Variants in NCOR2 observed in about 807,000 individuals in gnomAD.
NCOR2 encodes the protein nuclear receptor corepressor 2.
Under a neutral mutation model 262.9 loss-of-function variants are expected in NCOR2, and 81 were observed. That is an observed-to-expected ratio of 0.31 (90% CI 0.26 to 0.37). The LOEUF (loss-of-function observed/expected upper bound fraction) is 0.37. Among genes scored for constraint, NCOR2 ranks in the 10% least tolerant of loss-of-function variants. The pLI is 1.00. For synonymous variants in NCOR2, 1,659 were observed against 1,559.3 expected, an observed-to-expected ratio of 1.06 and a Z score of -1.51; for missense variants, 3,385 against 3,621.4, an observed-to-expected ratio of 0.93 and a Z score of 1.68.
Position 124,454,373 on chromosome 12 carries a change from T to C in NCOR2, c.762+2733A>G, listed in dbSNP as rs559797229. Among the ~76,000 whole-genome samples, 1 of 152,180 alleles carries C rather than the reference T, an allele frequency of 6.6e-6. No homozygotes were observed. Among genetic ancestry groups the C allele is most frequent in the South Asian group, 2.1e-4 (1 of 4,810 alleles). On this transcript the variant is annotated intron_variant, in intron 6 of 46. Coordinates refer to ENST00000405201, the Ensembl canonical transcript of NCOR2. This position sits in a 1 kb window ranked among gnomAD's most constrained non-coding sequence, Gnocchi z 5.6. ...CCTTGTGGAAGCCTCTGCTCTGAGA[T>C]CCCCAAGTGGAAGACAACCCCGTCC...
intron 28 of NCOR2, among the ~76,000 whole-genome samples, chr12:124,349,214 A>C (rs2037215614): frequency 6.6e-6 from 1 of 152,152 alleles, no homozygotes. Flanking sequence ...GAACAGACGG[A>C]GGTGGCCCCC....
intron 40 of NCOR2, 47 bp downstream of exon 42, chr12:124,335,088 C>T (rs1278107380): frequency 6.2e-7 from 1 of 1,611,430 alleles, no homozygotes; most frequent in Non-Finnish European, 8.5e-7. Flanking sequence ...AGGCCTGGTG[C>T]CCCCAGGTGC....
chr12:124,372,846 G>A (rs1049096712), intron 19 of NCOR2, among the ~76,000 whole-genome samples: 12 of 152,138 alleles, frequency 7.9e-5, no homozygotes, highest in African/African-American at 2.9e-4. Context: ...GACTGACCCT[G>A]CTGGCATAAC....
At chr12:124,496,324 C>G (rs925010876), upstream of NCOR2, among the ~76,000 whole-genome samples, 3 of 151,934 alleles carry the variant, frequency 2.0e-5, no homozygotes, top group Non-Finnish European at 2.9e-5. This position sits in a 1 kb window ranked among gnomAD's most constrained non-coding sequence, Gnocchi z 4.4. Flanking sequence ...CAGACCAAGG[C>G]CCCCTCCACA....
At chr12:124,450,177 C>T (rs563484853) in intron 6 of NCOR2, among the ~76,000 whole-genome samples, 102 of 152,366 alleles carry the variant, frequency 6.7e-4, no homozygotes, top group Middle Eastern at 3.4e-3. Flanking sequence ...CGGACAAACC[C>T]ACACACACCC....
chr12:124,388,800 G>T, intron 16 of NCOR2: 1 of 1,300,374 alleles, frequency 7.7e-7, no homozygotes, highest in Non-Finnish European at 1.0e-6. Flanking sequence ...GGTCGGCTCT[G>T]CGAGGCTGCT....
chr12:124,359,428 AT>A (rs2038324670), intron 22 of NCOR2, among the ~76,000 whole-genome samples: 1 of 152,198 alleles, frequency 6.6e-6, no homozygotes, highest in Non-Finnish European at 1.5e-5. Context: ...TATGTACCAA[AT>A]TGCCCCCAAT....
At chr12:124,527,973 C>T (rs1455898017) in intron 1 of NCOR2, among the ~76,000 whole-genome samples, 4 of 152,224 alleles carry the variant, frequency 2.6e-5, no homozygotes, top group Non-Finnish European at 4.4e-5. Flanking sequence ...CTGTGCGGGG[C>T]ACCATGTTTG....
rs750440118 is a variant in NCOR2, at chr12:124,347,941, C to T, written c.3986-30G>A. 11 of 1,550,120 alleles carry T rather than the reference C, an allele frequency of 7.1e-6. No homozygotes were observed. The African/African-American group carries it at 9.6e-5, about 14-fold the overall frequency. On this transcript the variant is annotated intron_variant, in intron 29 of 46. Transcript: ENST00000405201. Reference sequence around the variant, plus strand: ...GTAGGAGAGGGTGAGGCCATCATTCCGTGGCTCCCTGAGCCGACACTGGGC... The same window carrying T: ...GTAGGAGAGGGTGAGGCCATCATTCTGTGGCTCCCTGAGCCGACACTGGGC...
intron 28 of NCOR2, among the ~76,000 whole-genome samples, chr12:124,349,581 C>T (rs1391968184): frequency 6.6e-6 from 1 of 152,178 alleles, no homozygotes; most frequent in African/African-American, 2.4e-5. Flanking sequence ...CCATTCCCTA[C>T]AGTCCTCCCC....
At chr12:124,516,809 C>A (rs2049827522) in intron 1 of NCOR2, among the ~76,000 whole-genome samples, 2 of 152,146 alleles carry the variant, frequency 1.3e-5, no homozygotes, top group Non-Finnish European at 2.9e-5. Context: ...CACCCTCAGA[C>A]CAGGTGCCGG....
intron 5 of NCOR2, among the ~76,000 whole-genome samples, chr12:124,464,738 G>A (rs999184570): frequency 1.3e-5 from 2 of 152,142 alleles, no homozygotes; most frequent in Non-Finnish European, 2.9e-5. Context: ...AGGTGATGCC[G>A]TCGTTGTCAT....
Position 124,479,511 on chromosome 12 carries a change from G to A in NCOR2, c.411+4085C>T, listed in dbSNP as rs538909358. On this transcript the variant is annotated intron_variant, in intron 3 of 46. Coordinates refer to ENST00000405201, the Ensembl canonical transcript of NCOR2. ...CACAGGCACATGCGCGCATACACAC[G>A]CACATGCGCGCACACGCACACACAC... Among the ~76,000 whole-genome samples, 16 of 148,758 alleles carry A rather than the reference G, an allele frequency of 1.1e-4. No homozygotes were observed. In the South Asian group the frequency reaches 3.2e-3, roughly 30 times the overall value.
chr12:124,493,317 C>T (rs2048197155), intron 1 of NCOR2, among the ~76,000 whole-genome samples: 1 of 152,228 alleles, frequency 6.6e-6, no homozygotes. Context: ...GCAGCACCCC[C>T]AGGGCAGGCA....
At chr12:124,357,520 C>G (rs762180600) in intron 22 of NCOR2, among the ~76,000 whole-genome samples, 1 of 152,242 alleles carries the variant, frequency 6.6e-6, no homozygotes, top group Non-Finnish European at 1.5e-5. Context: ...TGGTCTTGAA[C>G]TACTGGGCTC....
chr12:124,549,128 T>C lies in NCOR2; in HGVS notation c.-164-13517A>G, dbSNP rs955306928. 2.0e-5 allele frequency among the ~76,000 whole-genome samples: 3 copies of C among 152,136 alleles called. No individual in the cohort carries two copies. The highest frequency in any genetic ancestry group is 4.4e-5 in the Non-Finnish European group (3 of 68,004). ...GGGTGGTTGGGATGCAGTGTGGCGC[T>C]GAGCCAGGGAGCTAACCTCTCTGAG... is the stretch of plus-strand genomic sequence containing the variant. On this transcript the variant is annotated intron_variant, in intron 1 of 32. Transcript: ENST00000458234. This position sits in a 1 kb window ranked among gnomAD's most constrained non-coding sequence, Gnocchi z 4.4.
chr12:124,378,533 G>A lies in NCOR2; in HGVS notation c.2020-149C>T, dbSNP rs538244100. The A allele has an allele frequency of 6.5e-6, 5 of 774,206 alleles. No individual in the cohort carries two copies. The highest frequency in any genetic ancestry group is 3.8e-5 in the South Asian group (2 of 52,782). 48.0% of individuals were successfully genotyped at this position (774,206 alleles called of 1,614,324 possible). On this transcript the variant is annotated intron_variant, in intron 17 of 46. Coordinates refer to ENST00000405201, the Ensembl canonical transcript of NCOR2. The surrounding 1 kb of genome is among the most constrained non-coding windows in gnomAD (Gnocchi z 4.2). ...GACCGTCCCCCTCACACCCCACCTC[G>A]GCAGCCAAGCGTGCCAGGGTTTATT... is the stretch of plus-strand genomic sequence containing the variant.
intron 13 of NCOR2, among the ~76,000 whole-genome samples, chr12:124,408,452 T>C (rs181216550): frequency 4.1e-4 from 62 of 152,208 alleles, no homozygotes; most frequent in Admixed American, 1.4e-3. Context: ...AACCTTACAA[T>C]TAAAGAAATT....
intron 10 of NCOR2, 118 bp downstream of exon 12, chr12:124,429,495 G>A (rs991360686): frequency 2.0e-5 from 22 of 1,082,722 alleles, no homozygotes; most frequent in South Asian, 4.4e-5. Context: ...CCCGCGCTTC[G>A]GTGGCAAAGC....
Sources: allele counts gnomAD v4.1 joint callset (sites outside exome capture counted in the v4.1 genomes callset), GRCh38; gene constraint gnomAD v4.1.1; non-coding constraint Gnocchi (gnomAD v3.1); transcripts MANE v1.5; gene names NCBI Gene and HGNC (gene_info 2026-07-23, HGNC 2026-07-21).